The following NT5C2 variants were observed in gnomAD, a reference collection of about 807,000 sequenced individuals.
The protein encoded by NT5C2 is 5'-nucleotidase, cytosolic II.
Under a neutral mutation model 76.1 loss-of-function variants are expected in NT5C2, and 58 were observed. That is an observed-to-expected ratio of 0.76 (90% CI 0.62 to 0.95). The LOEUF is 0.95. NT5C2 is among the 40% of genes least tolerant of loss of function. NT5C2 has a pLI of 0.00. For synonymous variants in NT5C2, 229 were observed against 237.4 expected, an observed-to-expected ratio of 0.96 and a Z score of 0.32; for missense variants, 478 against 690.3, an observed-to-expected ratio of 0.69 and a Z score of 3.45.
At chr10:103,153,221 C>A (rs2082702295) in intron 3 of NT5C2, 3 of 1,126,854 alleles carry the variant, frequency 2.7e-6, no homozygotes, top group South Asian at 2.8e-5. Flanking sequence ...GCTTATTAAT[C>A]TTTTAATTCA....
At chr10:103,123,220 T>G (rs927834554) in intron 4 of NT5C2, among the ~76,000 whole-genome samples, 2 of 152,190 alleles carry the variant, frequency 1.3e-5, no homozygotes, top group African/African-American at 2.4e-5. Context: ...ACTCCTTGGC[T>G]AACACCATCC....
rs1182647965 is a variant in NT5C2, at chr10:103,143,615, T to TG, written c.102-4137_102-4136insC. Reference sequence around the variant, plus strand: ...CCATGTCCAGCTATTTTTTTTTTTTTTTTTTTTTTTTTTTTTTGTAGAGAT... The same window carrying TG: ...CCATGTCCAGCTATTTTTTTTTTTTTGTTTTTTTTTTTTTTTTTGTAGAGAT... On this transcript the variant is annotated intron_variant, in intron 3 of 18. Coordinates refer to ENST00000404739, the MANE Select transcript of NT5C2 (RefSeq NM_001351169.2). Among the ~76,000 whole-genome samples, 43 of 135,572 alleles carry TG rather than the reference T, an allele frequency of 3.2e-4. No individual in the cohort carries two copies. The East Asian group carries it at 5.1e-3, about 16-fold the overall frequency. The allele number at this position is 135,572 out of a possible 152,430, so 88.9% of individuals were successfully genotyped here. A position where few individuals can be genotyped will look rare whatever the true frequency, so the allele number is the denominator to read the frequency against.
intron 3 of NT5C2, among the ~76,000 whole-genome samples, chr10:103,161,984 A>G (rs987443748): frequency 6.6e-6 from 1 of 152,162 alleles, no homozygotes; most frequent in Non-Finnish European, 1.5e-5. Context: ...ACTGAATAAT[A>G]TACTTCTATT....
chr10:103,165,591 T>C (rs1361621508), intron 3 of NT5C2, among the ~76,000 whole-genome samples: 63 of 150,052 alleles, frequency 4.2e-4, no homozygotes, highest in Middle Eastern at 3.4e-3. Flanking sequence ...TTTTTTTTTT[T>C]TTCTAGAAAC....
intron 1 of NT5C2, among the ~76,000 whole-genome samples, chr10:103,192,555 CA>C (rs1371974945): frequency 6.6e-6 from 1 of 152,238 alleles, no homozygotes. Flanking sequence ...CTGAACGGCT[CA>C]GCCCCCTGAC....
intron 4 of NT5C2, among the ~76,000 whole-genome samples, chr10:103,124,379 T>C (rs1383911040): frequency 1.3e-5 from 2 of 152,192 alleles, no homozygotes; most frequent in African/African-American, 4.8e-5. Flanking sequence ...TTTGCAATAC[T>C]TAAACACACA....
chr10:103,095,816 T>C (rs1029833826), intron 12 of NT5C2, 123 bp downstream of exon 12: 12 of 786,302 alleles, frequency 1.5e-5, no homozygotes, highest in African/African-American at 7.0e-5. Flanking sequence ...GATTAGACAA[T>C]AGGCTTAAAA....
intron 2 of NT5C2, chr10:103,175,767 G>T: frequency 3.7e-6 from 1 of 269,130 alleles, no homozygotes; most frequent in South Asian, 7.7e-5. Flanking sequence ...CCCCTATCCA[G>T]GGTGCTGAGG....
rs767007558 is a variant in NT5C2 at position 103,089,868 on chromosome 10, A to T, written c.1490T>A (p.Ile497Asn). Residue 497 changes from isoleucine to asparagine, a missense_variant, in exon 19 of 19, where the codon ATC becomes AAC. Transcript: ENST00000404739. ...GGCAAGAGGAGACTCCATCTCATTG[A>T]TATCTACGTGTGTGTGCTCCACCGT... Reference protein sequence around the residue: ...ESTVEHTHVDINEMESPLATR... With the variant: ...ESTVEHTHVDNNEMESPLATR... The T allele has an allele frequency of 3.1e-6, 5 of 1,613,672 alleles. No individual in the cohort carries two copies. The Middle Eastern group carries it at 8.3e-4, about 266-fold the overall frequency.
At chr10:103,170,955 G>T (rs1319439390) in intron 3 of NT5C2, among the ~76,000 whole-genome samples, 1 of 152,040 alleles carries the variant, frequency 6.6e-6, no homozygotes, top group African/African-American at 2.4e-5. Context: ...GCAAATAATT[G>T]AAGAAAAAGT....
At chr10:103,132,793 G>A (rs2078459442) in intron 4 of NT5C2, among the ~76,000 whole-genome samples, 1 of 152,006 alleles carries the variant, frequency 6.6e-6, no homozygotes, top group African/African-American at 2.4e-5. Context: ...CTTGTGATCT[G>A]CCTGCCTCGG....
At chr10:103,125,286 T>C (rs778823877) in intron 4 of NT5C2, 13 of 598,326 alleles carry the variant, frequency 2.2e-5, no homozygotes, top group East Asian at 1.4e-4. Flanking sequence ...CCATGCTTCA[T>C]TGTCACAGTT....
chr10:103,100,569 G>GT (rs2069323465), intron 8 of NT5C2: 3 of 429,158 alleles, frequency 7.0e-6, no homozygotes, highest in Non-Finnish European at 1.4e-5. Flanking sequence ...AGGATAACTT[G>GT]TTTAAGACTT....
chr10:103,135,794 G>C (rs561673692), intron 4 of NT5C2, among the ~76,000 whole-genome samples: 1 of 140,500 alleles, frequency 7.1e-6, no homozygotes, highest in Non-Finnish European at 1.5e-5. Context: ...TCTCAAAACA[G>C]AACAAAATGG....
intron 3 of NT5C2, among the ~76,000 whole-genome samples, chr10:103,151,621 A>T (rs544519476): frequency 1.7e-4 from 26 of 152,308 alleles, no homozygotes; most frequent in Non-Finnish European, 2.9e-4. Context: ...CTTAATTACC[A>T]TAGACTTACA....
intron 4 of NT5C2, among the ~76,000 whole-genome samples, chr10:103,123,794 A>G (rs1267061826): frequency 1.3e-5 from 2 of 152,080 alleles, no homozygotes; most frequent in Non-Finnish European, 2.9e-5. Context: ...CTCCTTCCGG[A>G]TTTCCAAGCA....
intron 18 of NT5C2, 113 bp from the exon 19 acceptor site, chr10:103,090,021 C>G (rs1286411231): frequency 4.0e-6 from 3 of 742,514 alleles, no homozygotes; most frequent in Non-Finnish European, 6.4e-6. Context: ...TATAATGGAC[C>G]ACAGGACAAG....
intron 3 of NT5C2, among the ~76,000 whole-genome samples, chr10:103,162,823 T>C (rs996289038): frequency 5.3e-5 from 8 of 152,274 alleles, no homozygotes; most frequent in Non-Finnish European, 7.4e-5. Context: ...AATACAGTAA[T>C]AGTTTATTTA....
At chr10:103,139,853 T>G (rs2080057236) in intron 3 of NT5C2, among the ~76,000 whole-genome samples, 2 of 152,334 alleles carry the variant, frequency 1.3e-5, no homozygotes, top group Middle Eastern at 3.4e-3. Flanking sequence ...TCTCTTAGAC[T>G]TATTCATCCA....
Sources: gnomAD v4.1 joint callset for allele counts (sites outside exome capture counted in the v4.1 genomes callset) on GRCh38, gnomAD v4.1.1 for gene constraint, MANE v1.5 for transcripts, NCBI Gene and HGNC (gene_info 2026-07-23, HGNC 2026-07-21) for gene names.